OSBPL9: variants seen among roughly 807,000 people sequenced by gnomAD.
The protein encoded by OSBPL9 is oxysterol binding protein like 9, also known as oxysterol-binding protein-related protein 9.
A neutral mutation model predicts 106.6 loss-of-function variants in OSBPL9; 40 were observed. The ratio of observed to expected loss-of-function variants is 0.38; its 90% CI spans 0.29 to 0.49. OSBPL9 has a LOEUF of 0.49. Among genes scored for constraint, OSBPL9 ranks in the 20% least tolerant of loss-of-function variants. OSBPL9 has a pLI of 0.97. For synonymous variants in OSBPL9, 269 were observed against 295.4 expected, an observed-to-expected ratio of 0.91 and a Z score of 0.92; for missense variants, 609 against 887.2, an observed-to-expected ratio of 0.69 and a Z score of 3.98.
intron 4 of OSBPL9, among the ~76,000 whole-genome samples, chr1:51,727,196 T>G: frequency 6.7e-6 from 1 of 150,300 alleles, no homozygotes; most frequent in African/African-American, 2.5e-5. Flanking sequence ...TGGAATTAAG[T>G]CCCTAGGGCT....
intron 1 of OSBPL9, chr1:51,577,321 C>CTTTTTTTTTTTT (rs762583157): frequency 1.2e-4 from 15 of 129,878 alleles, no homozygotes; most frequent in South Asian, 2.4e-4. Context: ...TTTTTCTTTT[C>CTTTTTTTTTTTT]TTTTTTTTTT....
intron 1 of OSBPL9, among the ~76,000 whole-genome samples, chr1:51,592,211 T>C (rs1570534733): frequency 7.0e-6 from 1 of 143,806 alleles, no homozygotes. Flanking sequence ...GCCTCACAGG[T>C]TCAAGCGATT....
At chr1:51,530,191 AAC>A in the OSBPL9 span, among the ~76,000 whole-genome samples, 765 of 87,160 alleles carry the variant, frequency 8.8e-3, 143 homozygotes, top group East Asian at 0.039. Context: ...AAAAAAAAAA[AAC>A]AAAAAAAAAA....
At chr1:51,692,837 C>T (rs954685329) in intron 3 of OSBPL9, among the ~76,000 whole-genome samples, 1 of 151,828 alleles carries the variant, frequency 6.6e-6, no homozygotes, top group African/African-American at 2.4e-5. Flanking sequence ...TGCAGTCTGT[C>T]TTTGACTAAA....
At chr1:51,712,377 G>A (rs1367658934) in intron 3 of OSBPL9, among the ~76,000 whole-genome samples, 1 of 152,010 alleles carries the variant, frequency 6.6e-6, no homozygotes, top group Non-Finnish European at 1.5e-5. Flanking sequence ...GGCTCCACAT[G>A]AGAGGGAGAC....
chr1:51,623,782 C>G (rs1235087513), intron 1 of OSBPL9, among the ~76,000 whole-genome samples: 1 of 152,124 alleles, frequency 6.6e-6, no homozygotes, highest in Non-Finnish European at 1.5e-5. Context: ...ATTTCTCTTG[C>G]AAACATGTAA....
At chr1:51,705,653 G>A (rs942963111) in intron 3 of OSBPL9, among the ~76,000 whole-genome samples, 4 of 151,722 alleles carry the variant, frequency 2.6e-5, no homozygotes, top group Admixed American at 2.6e-4. Context: ...GACCTCAGGT[G>A]ATCCGCTGGC....
At chr1:51,658,207 T>G (rs1287151622) in intron 2 of OSBPL9, among the ~76,000 whole-genome samples, 2 of 152,200 alleles carry the variant, frequency 1.3e-5, no homozygotes, top group African/African-American at 2.4e-5. Context: ...TCTGGCGTTG[T>G]GACTTGAGGC....
At chr1:51,733,012 C>T (rs1381511522) in intron 4 of OSBPL9, among the ~76,000 whole-genome samples, 1 of 152,212 alleles carries the variant, frequency 6.6e-6, no homozygotes, top group Non-Finnish European at 1.5e-5. Flanking sequence ...CCCACTGTAT[C>T]TCAAGTGGTA....
At chr1:51,649,419 TA>T (rs1321592559) in intron 1 of OSBPL9, among the ~76,000 whole-genome samples, 1 of 152,182 alleles carries the variant, frequency 6.6e-6, no homozygotes, top group Middle Eastern at 3.2e-3. Context: ...CCTTCAGTCT[TA>T]TCTGTAAGTT....
intron 4 of OSBPL9, among the ~76,000 whole-genome samples, chr1:51,726,654 T>G (rs1663182092): frequency 6.6e-6 from 1 of 152,208 alleles, no homozygotes; most frequent in Non-Finnish European, 1.5e-5. Flanking sequence ...CCTAATAGCC[T>G]TAGTTATATA....
the OSBPL9 span, among the ~76,000 whole-genome samples, chr1:51,531,072 G>A: frequency 9.2e-5 from 14 of 152,082 alleles, no homozygotes; most frequent in Admixed American, 8.5e-4. Context: ...TCAGGAGTTA[G>A]AGACCAGCCT....
At chr1:51,574,212 C>A (rs1305392823), upstream of OSBPL9, among the ~76,000 whole-genome samples, 1 of 152,194 alleles carries the variant, frequency 6.6e-6, no homozygotes, top group Non-Finnish European at 1.5e-5. Flanking sequence ...TGTGTATTAT[C>A]ATGTGGAGTG....
rs1449359935 is a variant in OSBPL9 at position 51,701,982 on chromosome 1, A to C, written c.242-12021A>C. Among the ~76,000 whole-genome samples, 9 of 152,140 alleles carry C rather than the reference A, an allele frequency of 5.9e-5. No homozygotes were observed. In the East Asian group the frequency reaches 1.2e-3, roughly 20 times the overall value. ...TCCCTACAAAGGACATGAACTCATC[A>C]TTTTTTATGGCTGCATAGTATTCCA... On this transcript the variant is annotated intron_variant, in intron 3 of 23. Coordinates refer to ENST00000428468, the MANE Select transcript of OSBPL9 (RefSeq NM_024586.6).
chr1:51,787,799 T>G lies in OSBPL9; in HGVS notation c.*10T>G. ...TGCTGCCAAGCATTAGGTTGGAAGA[T>G]GCAAAGTTTATACCTGATGATCAGG... On this transcript the variant is annotated 3_prime_UTR_variant, in exon 24 of 24. Transcript: ENST00000428468. The G allele has an allele frequency of 6.2e-7, 1 of 1,605,476 alleles. No individual in the cohort carries two copies. The highest frequency in any genetic ancestry group is 8.5e-7 in the Non-Finnish European group (1 of 1,172,808).
At chr1:51,518,453 C>T in the OSBPL9 span, 4 of 152,620 alleles carry the variant, frequency 2.6e-5, no homozygotes, top group Admixed American at 2.6e-4. Context: ...AGGCGTGAGC[C>T]CCCCGAGGGG....
At chr1:51,558,741 G>C in the OSBPL9 span, among the ~76,000 whole-genome samples, 2 of 152,170 alleles carry the variant, frequency 1.3e-5, no homozygotes, top group East Asian at 3.9e-4. Flanking sequence ...TCCGCTTAGT[G>C]AGCTCTGCAT....
intron 1 of OSBPL9, among the ~76,000 whole-genome samples, chr1:51,641,039 T>G (rs1295808077): frequency 6.6e-6 from 1 of 152,058 alleles, no homozygotes; most frequent in Non-Finnish European, 1.5e-5. Context: ...TCCCCCTGCC[T>G]CAGCCTCCAA....
At chr1:51,580,215 A>C (rs1645213029) in intron 1 of OSBPL9, among the ~76,000 whole-genome samples, 1 of 152,250 alleles carries the variant, frequency 6.6e-6, no homozygotes, top group South Asian at 2.1e-4. Context: ...GGTGAACAGC[A>C]TGAGATAAGA....
Sources: gnomAD v4.1 joint callset for allele counts (sites outside exome capture counted in the v4.1 genomes callset) on GRCh38, gnomAD v4.1.1 for gene constraint, MANE v1.5 for transcripts, NCBI Gene and HGNC (gene_info 2026-07-23, HGNC 2026-07-21) for gene names.